DPP6: variants seen among roughly 807,000 people sequenced by gnomAD.
The protein encoded by DPP6 is A-type potassium channel modulatory protein DPP6.
Under a neutral mutation model 122.6 loss-of-function variants are expected in DPP6, and 69 were observed. That is an observed-to-expected ratio of 0.56 (90% CI 0.46 to 0.69). The LOEUF (loss-of-function observed/expected upper bound fraction) is 0.69, where lower values mean the gene tolerates loss of function less well. Among genes scored for constraint, DPP6 ranks in the 30% least tolerant of loss-of-function variants. DPP6 has a pLI of 0.00. For missense variants in DPP6, 928 were observed against 1,116.9 expected, an observed-to-expected ratio of 0.83 and a Z score of 2.41; for synonymous variants, 418 against 433.1, an observed-to-expected ratio of 0.97 and a Z score of 0.43.
At chr7:154,848,505 G>C (rs1006173008) in intron 16 of DPP6, among the ~76,000 whole-genome samples, 3 of 152,096 alleles carry the variant, frequency 2.0e-5, no homozygotes, top group Admixed American at 2.0e-4. Context: ...ATTTTTAATA[G>C]GGTTGTTTGT....
the DPP6 span, among the ~76,000 whole-genome samples, chr7:153,787,906 G>A: frequency 6.7e-6 from 1 of 150,094 alleles, no homozygotes; most frequent in African/African-American, 2.4e-5. Flanking sequence ...TTTCTTACGG[G>A]AACCTCTAGT....
At chr7:154,270,820 G>GCT (rs1213323535) in intron 1 of DPP6, among the ~76,000 whole-genome samples, 1 of 152,068 alleles carries the variant, frequency 6.6e-6, no homozygotes, top group Non-Finnish European at 1.5e-5. Context: ...TGGTTCTGGG[G>GCT]CTCAGTCTGA....
chr7:153,905,035 A>G (rs1799791701), intron 1 of DPP6, among the ~76,000 whole-genome samples: 1 of 152,234 alleles, frequency 6.6e-6, no homozygotes, highest in African/African-American at 2.4e-5. Flanking sequence ...AGTGAGGGGG[A>G]AAGCCCAGTA....
At chr7:154,201,496 G>A (rs1370059444) in intron 1 of DPP6, among the ~76,000 whole-genome samples, 2 of 152,172 alleles carry the variant, frequency 1.3e-5, no homozygotes, top group Middle Eastern at 3.2e-3. Flanking sequence ...TAAGGCTTAT[G>A]CCTACCTAAA....
At chr7:154,177,501 C>T (rs1271744590) in intron 1 of DPP6, among the ~76,000 whole-genome samples, 2 of 152,186 alleles carry the variant, frequency 1.3e-5, no homozygotes, top group Non-Finnish European at 2.9e-5. Context: ...AGAGGAGTGA[C>T]CACTGTTGGT....
chr7:153,843,137 TAC>T, the DPP6 span, among the ~76,000 whole-genome samples: 2 of 149,660 alleles, frequency 1.3e-5, no homozygotes, highest in Non-Finnish European at 3.0e-5. Flanking sequence ...CACACTTGCA[TAC>T]AGACACGTGC....
chr7:154,454,271 T>C (rs1016613383), intron 2 of DPP6, among the ~76,000 whole-genome samples: 10 of 152,122 alleles, frequency 6.6e-5, no homozygotes, highest in African/African-American at 2.4e-4. Flanking sequence ...ACTGACTGGA[T>C]TGGGGATGGT....
At chr7:153,856,328 GT>G in the DPP6 span, among the ~76,000 whole-genome samples, 1 of 152,180 alleles carries the variant, frequency 6.6e-6, no homozygotes, top group Admixed American at 6.5e-5. Flanking sequence ...TGGAGTAAAT[GT>G]TCTCCAGATT....
chr7:154,493,261 A>G (rs1824443486), intron 3 of DPP6, among the ~76,000 whole-genome samples: 1 of 152,192 alleles, frequency 6.6e-6, no homozygotes, highest in South Asian at 2.1e-4. Context: ...ACTTTAGTAA[A>G]TGAATTATAC....
At chr7:154,500,536 C>G (rs1825145203) in intron 3 of DPP6, among the ~76,000 whole-genome samples, 1 of 152,114 alleles carries the variant, frequency 6.6e-6, no homozygotes, top group South Asian at 2.1e-4. Flanking sequence ...GCGTTGTTCT[C>G]CTGATAGCGA....
chr7:154,645,902 C>G (rs1313922220), intron 6 of DPP6, among the ~76,000 whole-genome samples: 1 of 151,758 alleles, frequency 6.6e-6, no homozygotes, highest in Non-Finnish European at 1.5e-5. Flanking sequence ...GTGGTGGGCA[C>G]CTGTAGTCCC....
chr7:154,420,435 C>T (rs1817374429), intron 1 of DPP6, among the ~76,000 whole-genome samples: 1 of 152,118 alleles, frequency 6.6e-6, no homozygotes, highest in Admixed American at 6.5e-5. Context: ...TGATTCCACT[C>T]ATAGGAGGTA....
At chr7:154,460,979 C>A (rs1167041360) in intron 2 of DPP6, among the ~76,000 whole-genome samples, 1 of 151,744 alleles carries the variant, frequency 6.6e-6, no homozygotes, top group Non-Finnish European at 1.5e-5. Context: ...CATTAACCAT[C>A]CCCCTCTGCC....
intron 10 of DPP6, among the ~76,000 whole-genome samples, chr7:154,792,208 T>C (rs1393694070): frequency 6.6e-6 from 1 of 152,264 alleles, no homozygotes; most frequent in African/African-American, 2.4e-5. Flanking sequence ...GCTTCGCCAC[T>C]GCCCCCATTG....
At chr7:154,017,716 A>T (rs1446033521) in intron 1 of DPP6, among the ~76,000 whole-genome samples, 8 of 121,138 alleles carry the variant, frequency 6.6e-5, no homozygotes, top group Non-Finnish European at 8.3e-5. Context: ...AATAAAAAAA[A>T]AATAAAAAAA....
rs1804562236 is a variant in DPP6 at position 154,088,157 on chromosome 7, C to T, written c.243+35094C>T. On this transcript the variant is annotated intron_variant, in intron 1 of 25. Transcript: ENST00000377770. ...CCAGCACCATTGGCTGAAACGGAAA[C>T]AACCATCCACTTGGCCTAGCAGAGT... 3.3e-5 allele frequency among the ~76,000 whole-genome samples: 5 copies of T among 152,308 alleles called. No homozygotes were observed. In the South Asian group the frequency reaches 1.0e-3, roughly 32 times the overall value.
At chr7:154,275,727 T>C (rs1804086050) in intron 1 of DPP6, among the ~76,000 whole-genome samples, 1 of 152,186 alleles carries the variant, frequency 6.6e-6, no homozygotes, top group Non-Finnish European at 1.5e-5. Context: ...CTGTGAGACG[T>C]TGTGGGGAAG....
chr7:154,335,992 G>A (rs2151049004), intron 1 of DPP6, among the ~76,000 whole-genome samples: 1 of 152,152 alleles, frequency 6.6e-6, no homozygotes, highest in African/African-American at 2.4e-5. Context: ...TGTACCCCCA[G>A]ATCTCTTCCC....
At chr7:153,767,337 T>C in the DPP6 span, among the ~76,000 whole-genome samples, 3 of 152,144 alleles carry the variant, frequency 2.0e-5, no homozygotes, top group Admixed American at 1.3e-4. Flanking sequence ...CTAAAACTTA[T>C]GTGTTAGCCA....
Sources: allele counts gnomAD v4.1 joint callset (sites outside exome capture counted in the v4.1 genomes callset), GRCh38; gene constraint gnomAD v4.1.1; transcripts MANE v1.5; gene names NCBI Gene and HGNC (gene_info 2026-07-23, HGNC 2026-07-21).